The following IFT74 variants were observed in gnomAD, a reference collection of about 807,000 sequenced individuals.
IFT74 encodes the protein intraflagellar transport 74.
In IFT74, 92 loss-of-function variants were observed where a neutral mutation model predicts 96.7. The ratio of observed to expected loss-of-function variants is 0.95; its 90% CI spans 0.80 to 1.13. The LOEUF is 1.13. Ranked by LOEUF, IFT74 falls within the 50% of genes most tolerant of loss-of-function variation. The probability of loss-of-function intolerance (pLI) is 0.00; values close to 1 mark genes in which losing one functional copy is unlikely to be tolerated. For missense variants in IFT74, 811 were observed against 698.2 expected (o/e 1.16, Z -1.82); for synonymous variants, 223 against 213.2 (o/e 1.05, Z -0.40).
rs78824083 is a variant in IFT74 at position 26,991,641 on chromosome 9, CT to C, written c.587+1456del. On this transcript the variant is annotated intron_variant, in intron 8 of 19. Coordinates refer to ENST00000380062, the MANE Select transcript of IFT74 (RefSeq NM_025103.4). ...ACCACGCTCTTACTTGAAAACGTTC[CT>C]TTTTTTTTTGTTATCCTGGTTTTAA... 6.0e-3 allele frequency among the ~76,000 whole-genome samples: 883 copies of C among 147,322 alleles called. 6 individuals are homozygous for C. Among genetic ancestry groups the C allele is most frequent in the African/African-American group, 0.02 (788 of 40,348 alleles).
At chr9:27,028,162 A>C (rs1428654040) in intron 12 of IFT74, among the ~76,000 whole-genome samples, 1 of 152,180 alleles carries the variant, frequency 6.6e-6, no homozygotes, top group South Asian at 2.1e-4. Context: ...ATATATGTCT[A>C]TCCCTATGCC....
intron 1 of IFT74, among the ~76,000 whole-genome samples, chr9:26,947,763 T>C (rs2131445324): frequency 6.6e-6 from 1 of 152,306 alleles, no homozygotes; most frequent in Non-Finnish European, 1.5e-5. Context: ...AATCTCCTAC[T>C]CTCTGTTGTC....
rs115658335 is a variant in IFT74 at position 26,989,984 on chromosome 9, G to A, written c.526-150G>A. ...AATCTGATATTGTTTGTTAAATGAGGCAATTACTTTATTTTTCTTCTTAAA... is the reference window on the plus strand; with the variant it reads ...AATCTGATATTGTTTGTTAAATGAGACAATTACTTTATTTTTCTTCTTAAA... On this transcript the variant is annotated intron_variant, in intron 7 of 19. Coordinates refer to ENST00000380062, the MANE Select transcript of IFT74 (RefSeq NM_025103.4). 2,357 of 419,610 alleles carry A rather than the reference G, an allele frequency of 5.6e-3. 53 individuals are homozygous for A. The highest frequency in any genetic ancestry group is 0.045 in the African/African-American group (2,168 of 48,442). The allele number at this position is 419,610 out of a possible 1,614,324, so 26.0% of individuals were successfully genotyped here.
At chr9:26,988,334 C>G (rs1369867204) in intron 6 of IFT74, among the ~76,000 whole-genome samples, 1 of 152,080 alleles carries the variant, frequency 6.6e-6, no homozygotes, top group African/African-American at 2.4e-5. Context: ...TAGATCTTTC[C>G]AAAACTCTCG....
In IFT74 at chr9:27,028,554, G is replaced by A. The variant is rs1414424501; in HGVS notation, c.975-471G>A. On this transcript the variant is annotated intron_variant, in intron 12 of 19. Coordinates refer to ENST00000380062, the MANE Select transcript of IFT74 (RefSeq NM_025103.4). ...AGGTGGATCTCGAGGTCAAGAGATCGAGACCATCATGGCCAACATGGTGAA... is the reference window on the plus strand; with the variant it reads ...AGGTGGATCTCGAGGTCAAGAGATCAAGACCATCATGGCCAACATGGTGAA... Among the ~76,000 whole-genome samples the A allele has an allele frequency of 3.3e-5, 5 of 151,948 alleles. No homozygotes were observed. In the South Asian group the frequency reaches 6.2e-4, roughly 19 times the overall value.
chr9:27,019,237 G>A (rs1481929087), intron 12 of IFT74, among the ~76,000 whole-genome samples: 2 of 152,118 alleles, frequency 1.3e-5, no homozygotes, highest in Non-Finnish European at 2.9e-5. Context: ...GATTAAAGAT[G>A]TGAGCCAGTA....
At chr9:27,046,657 G>A (rs1814506309) in intron 14 of IFT74, among the ~76,000 whole-genome samples, 1 of 152,132 alleles carries the variant, frequency 6.6e-6, no homozygotes, top group African/African-American at 2.4e-5. Flanking sequence ...AAAGTTAGTA[G>A]TCAGGGTGTT....
intron 13 of IFT74, among the ~76,000 whole-genome samples, chr9:27,036,990 G>A (rs951826255): frequency 6.6e-6 from 1 of 151,966 alleles, no homozygotes; most frequent in African/African-American, 2.4e-5. Flanking sequence ...AGGCTGAGGC[G>A]GGTGAATTAC....
chr9:27,048,289 T>C lies in IFT74; in HGVS notation c.1333+15T>C, dbSNP rs756100656. 9.8e-6 allele frequency: 15 copies of C among 1,535,518 alleles called. No individual in the cohort carries two copies. In the East Asian group the frequency reaches 2.5e-4, roughly 26 times the overall value. ...TTTGACTTCAGGTGAGAAAACAACC[T>C]AGATTTTAATATTCTTTTTTTTTAA... On this transcript the variant is annotated intron_variant, in intron 16 of 19. Coordinates refer to ENST00000380062, the MANE Select transcript of IFT74 (RefSeq NM_025103.4).
intron 2 of IFT74, among the ~76,000 whole-genome samples, chr9:26,963,628 C>T (rs967017906): frequency 8.6e-5 from 13 of 151,484 alleles, no homozygotes; most frequent in African/African-American, 2.9e-4. Context: ...CTGTTGTTTC[C>T]TGACTTTTTA....
At chr9:26,975,215 G>A (rs1827059265) in intron 2 of IFT74, among the ~76,000 whole-genome samples, 1 of 152,064 alleles carries the variant, frequency 6.6e-6, no homozygotes, top group Admixed American at 6.5e-5. Context: ...TGGTGGGTGT[G>A]GGTTGTTTAG....
intron 10 of IFT74, among the ~76,000 whole-genome samples, chr9:27,016,338 C>A (rs924425978): frequency 1.3e-5 from 2 of 152,100 alleles, no homozygotes; most frequent in African/African-American, 4.8e-5. Flanking sequence ...TAAAGGGCAC[C>A]ATCATATTGG....
At position 27,011,970 on chromosome 9, in the gene IFT74, T is replaced by G. The variant is rs1334343532; in HGVS notation, c.789+2T>G. ...ATGAAAAAAGAGAGCCTGGAAGCAG[T>G]AAGTATAAAATCAAATAAGGGTTCT... On this transcript the variant is annotated splice_donor_variant, in intron 10 of 19. Coordinates refer to ENST00000380062, the MANE Select transcript of IFT74 (RefSeq NM_025103.4). LOFTEE classifies it high-confidence loss of function. 10 of 1,579,274 alleles carry G rather than the reference T, an allele frequency of 6.3e-6. No individual in the cohort carries two copies. The highest frequency in any genetic ancestry group is 8.6e-6 in the Non-Finnish European group (10 of 1,161,438).
chr9:26,948,409 G>GT (rs1377240928), intron 1 of IFT74, among the ~76,000 whole-genome samples: 6 of 88,780 alleles, frequency 6.8e-5, no homozygotes, highest in East Asian at 2.6e-4. Flanking sequence ...ACACTTAATT[G>GT]TTTTTTCTCT....
chr9:27,049,660 T>A (rs1819841023), intron 16 of IFT74, among the ~76,000 whole-genome samples: 1 of 152,186 alleles, frequency 6.6e-6, no homozygotes, highest in South Asian at 2.1e-4. Flanking sequence ...CTCAAGAAAC[T>A]TTCAACTTGG....
chr9:26,995,716 A>G, intron 8 of IFT74: 1 of 1,613,860 alleles, frequency 6.2e-7, no homozygotes, highest in Non-Finnish European at 8.5e-7. Context: ...CTTCCAGGCG[A>G]TGATGATTAT....
At chr9:27,020,785 C>T (rs1829564638) in intron 12 of IFT74, among the ~76,000 whole-genome samples, 1 of 151,948 alleles carries the variant, frequency 6.6e-6, no homozygotes, top group African/African-American at 2.4e-5. Flanking sequence ...ATCTTTTTTA[C>T]TTCAGTAGTT....
At chr9:27,007,212 T>C (rs766205667) in intron 8 of IFT74, among the ~76,000 whole-genome samples, 3 of 152,140 alleles carry the variant, frequency 2.0e-5, no homozygotes, top group Non-Finnish European at 2.9e-5. Context: ...ACTCAAAGCA[T>C]CAAAAAGACC....
At chr9:27,034,226 A>C (rs149131143) in intron 13 of IFT74, among the ~76,000 whole-genome samples, 64 of 152,352 alleles carry the variant, frequency 4.2e-4, no homozygotes, top group African/African-American at 1.5e-3. Context: ...ATACCATAAT[A>C]CATATAAATA....
Sources: allele counts gnomAD v4.1 joint callset (sites outside exome capture counted in the v4.1 genomes callset), GRCh38; gene constraint gnomAD v4.1.1; transcripts MANE v1.5; gene names NCBI Gene and HGNC (gene_info 2026-07-23, HGNC 2026-07-21).